SPOCK1: variants seen among roughly 807,000 people sequenced by gnomAD.
The protein encoded by SPOCK1 is SPARC (osteonectin), cwcv and kazal like domains proteoglycan 1.
Under a neutral mutation model 55.3 loss-of-function variants are expected in SPOCK1, and 23 were observed. The ratio of observed to expected loss-of-function variants is 0.42; its 90% CI spans 0.30 to 0.59. The LOEUF is 0.59. Among genes scored for constraint, SPOCK1 ranks in the 20% least tolerant of loss-of-function variants. The pLI, the probability that SPOCK1 is intolerant of heterozygous loss-of-function variation, is 0.22. For missense variants in SPOCK1, 499 were observed against 552.5 expected, an observed-to-expected ratio of 0.90 and a Z score of 0.97; for synonymous variants, 226 against 221.0, an observed-to-expected ratio of 1.02 and a Z score of -0.20.
intron 5 of SPOCK1, among the ~76,000 whole-genome samples, chr5:137,105,889 C>T (rs927684783): frequency 2.0e-5 from 3 of 152,246 alleles, no homozygotes; most frequent in South Asian, 2.1e-4. Context: ...TGACAGCAGA[C>T]GGGTGTTTGC....
At chr5:137,389,262 G>C (rs1751662383) in intron 2 of SPOCK1, among the ~76,000 whole-genome samples, 1 of 152,188 alleles carries the variant, frequency 6.6e-6, no homozygotes, top group Non-Finnish European at 1.5e-5. Context: ...ACCTTGTCCT[G>C]GTCCTGTCTG....
intron 5 of SPOCK1, among the ~76,000 whole-genome samples, chr5:137,108,837 G>A (rs549744491): frequency 1.3e-5 from 2 of 152,270 alleles, no homozygotes; most frequent in East Asian, 3.9e-4. Context: ...TTGCAAAGGG[G>A]TCTCCCCAAT....
intron 2 of SPOCK1, among the ~76,000 whole-genome samples, chr5:137,487,142 G>T (rs115961506): frequency 6.6e-6 from 1 of 151,860 alleles, no homozygotes; most frequent in Non-Finnish European, 1.5e-5. Flanking sequence ...TCAATTTTAG[G>T]TGCCATGAAT....
chr5:136,995,468 C>T (rs1207820854), intron 6 of SPOCK1, among the ~76,000 whole-genome samples: 1 of 152,186 alleles, frequency 6.6e-6, no homozygotes, highest in East Asian at 1.9e-4. Context: ...TTTCACTTTT[C>T]TGACACTGCC....
intron 2 of SPOCK1, among the ~76,000 whole-genome samples, chr5:137,279,254 A>G (rs2127124187): frequency 6.6e-6 from 1 of 152,326 alleles, no homozygotes; most frequent in Non-Finnish European, 1.5e-5. Context: ...AACTACCCTT[A>G]CCCTCTTGAA....
chr5:137,148,486 C>T (rs1456935913), intron 3 of SPOCK1, among the ~76,000 whole-genome samples: 4 of 152,160 alleles, frequency 2.6e-5, no homozygotes, highest in African/African-American at 9.7e-5. Context: ...TGCTCCCCAG[C>T]TGCTCTGACA....
intron 3 of SPOCK1, among the ~76,000 whole-genome samples, chr5:137,183,776 T>C (rs1446145280): frequency 1.3e-5 from 2 of 152,186 alleles, no homozygotes; most frequent in African/African-American, 4.8e-5. Context: ...GCAAGTTGCT[T>C]AGCCTCTCAG....
intron 2 of SPOCK1, among the ~76,000 whole-genome samples, chr5:137,272,949 G>A (rs1756998014): frequency 6.6e-6 from 1 of 152,146 alleles, no homozygotes; most frequent in East Asian, 1.9e-4. Flanking sequence ...TGTAAGTACA[G>A]GTGGTTGTAT....
rs190157440 is a variant in SPOCK1, at chr5:137,206,017, G to A, written c.232+60993C>T. Among the ~76,000 whole-genome samples the A allele has an allele frequency of 3.1e-3, 477 of 152,316 alleles. 1 individual carries two copies. Among genetic ancestry groups the A allele is most frequent in the Non-Finnish European group, 4.3e-3 (294 of 68,034 alleles). ...ATGGCAAAGCCAGGGTGAGAAGCCA[G>A]GCAGGCAGATCAGAAAACACACTGG... is the stretch of plus-strand genomic sequence containing the variant. On this transcript the variant is annotated intron_variant, in intron 3 of 10. Coordinates refer to ENST00000394945, the MANE Select transcript of SPOCK1 (RefSeq NM_004598.4).
chr5:137,414,036 A>G (rs1199195484), intron 2 of SPOCK1, among the ~76,000 whole-genome samples: 2 of 152,226 alleles, frequency 1.3e-5, no homozygotes, highest in African/African-American at 2.4e-5. Context: ...AATATCATCT[A>G]TAGACAAACC....
chr5:137,360,422 C>G (rs1459130607), intron 2 of SPOCK1, among the ~76,000 whole-genome samples: 1 of 152,214 alleles, frequency 6.6e-6, no homozygotes, highest in African/African-American at 2.4e-5. Context: ...GATCCGGGAT[C>G]TCACAACAGT....
intron 3 of SPOCK1, among the ~76,000 whole-genome samples, chr5:137,209,988 T>C (rs1755582628): frequency 6.6e-6 from 1 of 152,204 alleles, no homozygotes; most frequent in Non-Finnish European, 1.5e-5. Context: ...CAACTAGATT[T>C]GATATTGATT....
intron 4 of SPOCK1, among the ~76,000 whole-genome samples, chr5:137,122,257 G>A (rs2905969): frequency 0.46 from 66,729 of 145,846 alleles, 14,899 homozygotes; most frequent in East Asian, 0.5. Flanking sequence ...ACACACACAC[G>A]CACACACACA....
intron 5 of SPOCK1, among the ~76,000 whole-genome samples, chr5:137,092,356 G>A (rs79462413): frequency 0.013 from 1,926 of 152,330 alleles, 19 homozygotes; most frequent in Non-Finnish European, 0.018. Context: ...GGAAGCGACC[G>A]AGGGGCTGAG....
At chr5:137,169,216 G>C (rs984482594) in intron 3 of SPOCK1, among the ~76,000 whole-genome samples, 2 of 151,992 alleles carry the variant, frequency 1.3e-5, no homozygotes, top group Middle Eastern at 3.2e-3. Context: ...GGGAAGTGGG[G>C]ATGGTAAATA....
chr5:137,100,463 AT>A (rs1753240770), intron 5 of SPOCK1, among the ~76,000 whole-genome samples: 1 of 152,306 alleles, frequency 6.6e-6, no homozygotes, highest in African/African-American at 2.4e-5. Context: ...GTGAATCTTG[AT>A]TAGAGACACC....
rs12110127 is a variant in SPOCK1 at position 137,126,739 on chromosome 5, C to G, written c.347+13841G>C. Among the ~76,000 whole-genome samples, 548 of 152,160 alleles carry G rather than the reference C, an allele frequency of 3.6e-3. 2 individuals carry two copies. Among genetic ancestry groups the G allele is most frequent in the Non-Finnish European group, 6.6e-3 (452 of 67,988 alleles). Reference sequence around the variant, plus strand: ...ATCACACCAGTCTGGGCAACAAGAACGAAACTCCATCTCAAAAAATAAAGA... The same window carrying G: ...ATCACACCAGTCTGGGCAACAAGAAGGAAACTCCATCTCAAAAAATAAAGA... On this transcript the variant is annotated intron_variant, in intron 4 of 10. Transcript: ENST00000394945.
Position 136,977,762 on chromosome 5 carries a change from T to G in SPOCK1, c.*892A>C. The G allele has an allele frequency of 2.5e-6, 1 of 398,922 alleles. No homozygotes were observed. Among genetic ancestry groups the G allele is most frequent in the Non-Finnish European group, 4.4e-6 (1 of 226,048 alleles). 24.7% of individuals were successfully genotyped at this position (398,922 alleles called of 1,614,324 possible). A position where few individuals can be genotyped will look rare whatever the true frequency, so the allele number is the denominator to read the frequency against. ...GGAGGTTTTTTCTCAATCAGAGGCT[T>G]TCAGTAACTCTGCTGATGCACAGAG... On this transcript the variant is annotated 3_prime_UTR_variant, in exon 11 of 11. Transcript: ENST00000394945.
chr5:136,979,629 C>CT, intron 9 of SPOCK1, 160 bp from the exon 10 acceptor site: 1 of 894,348 alleles, frequency 1.1e-6, no homozygotes, highest in Non-Finnish European at 1.7e-6. Flanking sequence ...ATTACAGGGC[C>CT]CTTAACCTTT....
Sources: allele counts gnomAD v4.1 joint callset (sites outside exome capture counted in the v4.1 genomes callset), GRCh38; gene constraint gnomAD v4.1.1; transcripts MANE v1.5; gene names NCBI Gene and HGNC (gene_info 2026-07-23, HGNC 2026-07-21).